FAM90A8: variants seen among roughly 807,000 people sequenced by gnomAD.
FAM90A8 encodes the protein protein FAM90A8.
the FAM90A8 span, chr8:7,738,466 C>T: frequency 1.2e-5 from 2 of 173,362 alleles, 1 homozygote; most frequent in Non-Finnish European, 3.3e-5. Context: ...CGGAGGGCCC[C>T]AGTTGGGCCA....
chr8:7,738,844 T>A, the FAM90A8 span, among the ~76,000 whole-genome samples: 1 of 32,578 alleles, frequency 3.1e-5, no homozygotes, highest in African/African-American at 5.4e-5. Context: ...CGAGGGAACA[T>A]CGTACCCGAA....
chr8:7,738,461 G>T, the FAM90A8 span: 2 of 168,350 alleles, frequency 1.2e-5, 1 homozygote, highest in Non-Finnish European at 3.5e-5. Flanking sequence ...AGCAGCGGAG[G>T]GCCCCAGTTG....
At chr8:7,738,767 C>T in the FAM90A8 span, among the ~76,000 whole-genome samples, 6 of 26,750 alleles carry the variant, frequency 2.2e-4, no homozygotes, top group African/African-American at 3.0e-4. Flanking sequence ...TTGACATCGG[C>T]TTCACCATCG....
chr8:7,738,556 C>T, the FAM90A8 span: 3 of 50,444 alleles, frequency 5.9e-5, 1 homozygote, highest in South Asian at 2.8e-4. Context: ...GGGGTGGGGA[C>T]GGGGGGAGGG....
the FAM90A8 span, among the ~76,000 whole-genome samples, chr8:7,738,822 C>A: frequency 4.2e-3 from 145 of 34,168 alleles, no homozygotes; most frequent in African/African-American, 6.9e-3. Context: ...TTCCTCCGTC[C>A]CATGGGCTTT....
At chr8:7,738,493 A>C in the FAM90A8 span, 1 of 166,700 alleles carries the variant, frequency 6.0e-6, no homozygotes, top group South Asian at 4.0e-5. Flanking sequence ...CCCCCGCCCG[A>C]TGAAGAAGAT....
the FAM90A8 span, among the ~76,000 whole-genome samples, chr8:7,738,725 A>C: frequency 0.026 from 297 of 11,524 alleles, 1 homozygote; most frequent in African/African-American, 0.032. Flanking sequence ...CTTTCTACTT[A>C]GAGTCCTGTG....
chr8:7,739,379 CT>C, the FAM90A8 span, among the ~76,000 whole-genome samples: 3 of 8,298 alleles, frequency 3.6e-4, no homozygotes, highest in African/African-American at 1.1e-3. Context: ...TCCTTGGGCT[CT>C]GGGAGATTCA....
At chr8:7,738,819 G>A in the FAM90A8 span, among the ~76,000 whole-genome samples, 1 of 34,500 alleles carries the variant, frequency 2.9e-5, no homozygotes, top group African/African-American at 5.2e-5. Flanking sequence ...GAGTTCCTCC[G>A]TCCCATGGGC....
At chr8:7,738,504 C>T in the FAM90A8 span, 1 of 155,710 alleles carries the variant, frequency 6.4e-6, no homozygotes, top group South Asian at 4.2e-5. Context: ...TGAAGAAGAT[C>T]CCAGGGTAAG....
Sources: allele counts gnomAD v4.1 joint callset (sites outside exome capture counted in the v4.1 genomes callset), GRCh38; gene constraint gnomAD v4.1.1; transcripts MANE v1.5; gene names NCBI Gene and HGNC (gene_info 2026-07-23, HGNC 2026-07-21).